Variants in STX8 observed in about 807,000 individuals in gnomAD.
The protein encoded by STX8 is syntaxin 8, also known as syntaxin-8.
In STX8, 23 loss-of-function variants were observed where a neutral mutation model predicts 37.5. That is an observed-to-expected ratio of 0.61 (90% CI 0.44 to 0.87). The LOEUF (loss-of-function observed/expected upper bound fraction) is 0.87, where lower values mean the gene tolerates loss of function less well. Among genes scored for constraint, STX8 ranks in the 40% least tolerant of loss-of-function variants. The probability of loss-of-function intolerance (pLI) is 0.00; values close to 1 mark genes in which losing one functional copy is unlikely to be tolerated. For synonymous variants in STX8, 115 were observed against 99.1 expected (o/e 1.16, Z -0.95); for missense variants, 313 against 284.7 (o/e 1.10, Z -0.71).
At chr17:9,273,550 C>T (rs1286153948) in intron 7 of STX8, 1 of 152,398 alleles carries the variant, frequency 6.6e-6, no homozygotes, top group Non-Finnish European at 1.5e-5. Context: ...CAGGGGTGTC[C>T]CTGCAGAATG....
intron 5 of STX8, among the ~76,000 whole-genome samples, chr17:9,495,879 G>A (rs1215879690): frequency 6.6e-6 from 1 of 152,186 alleles, no homozygotes; most frequent in Non-Finnish European, 1.5e-5. Context: ...GCTGCTGACT[G>A]CAAAAATATA....
intron 6 of STX8, among the ~76,000 whole-genome samples, chr17:9,384,410 G>C (rs1415405088): frequency 6.6e-6 from 1 of 152,098 alleles, no homozygotes; most frequent in South Asian, 2.1e-4. Context: ...AGGCCTAGGC[G>C]GGTGGATCAT....
chr17:9,336,835 C>T (rs8072739), intron 7 of STX8, among the ~76,000 whole-genome samples: 149,398 of 152,336 alleles, frequency 0.98, 73,326 homozygotes, highest in Middle Eastern at 1. Flanking sequence ...TCACCAAGGT[C>T]TTCCCCTTTT....
At chr17:9,351,550 T>C (rs12450204) in intron 7 of STX8, among the ~76,000 whole-genome samples, 2,351 of 152,300 alleles carry the variant, frequency 0.015, 109 homozygotes, top group South Asian at 0.091. Context: ...ATTTTAACAC[T>C]GATACAACAT....
chr17:9,561,267 T>C (rs931858077), intron 2 of STX8, among the ~76,000 whole-genome samples: 1 of 152,188 alleles, frequency 6.6e-6, no homozygotes, highest in Non-Finnish European at 1.5e-5. Context: ...TGTTTTACAA[T>C]GTCACTTACA....
intron 6 of STX8, among the ~76,000 whole-genome samples, chr17:9,418,700 G>A (rs1291283998): frequency 1.3e-5 from 2 of 151,118 alleles, no homozygotes; most frequent in Non-Finnish European, 3.0e-5. Flanking sequence ...GGTGGCGGGC[G>A]CCTGTAGTCT....
At chr17:9,460,698 A>AAAC (rs1567570863) in intron 6 of STX8, among the ~76,000 whole-genome samples, 4 of 150,560 alleles carry the variant, frequency 2.7e-5, no homozygotes, top group African/African-American at 9.9e-5. Flanking sequence ...ACAAAACAAA[A>AAAC]CTACTAAATT....
At chr17:9,453,500 T>C (rs1905103880) in intron 6 of STX8, among the ~76,000 whole-genome samples, 2 of 148,626 alleles carry the variant, frequency 1.3e-5, no homozygotes, top group Non-Finnish European at 3.0e-5. Flanking sequence ...TTTTTTTTTT[T>C]TTTTTTTTTT....
Position 9,398,099 on chromosome 17 carries a change from A to AAAGAGTG in STX8, c.542-19453_542-19447dup, listed in dbSNP as rs759942720. On this transcript the variant is annotated intron_variant, in intron 6 of 7. Transcript: ENST00000306357. ...TGTAAATACTCCACTGTCAAGGAAGAAAGAGTGTAACTCTCTCTTTCTTAG... is the reference window on the plus strand; with the variant it reads ...TGTAAATACTCCACTGTCAAGGAAGAAAGAGTGAAGAGTGTAACTCTCTCTTTCTTAG... Among the ~76,000 whole-genome samples the AAAGAGTG allele has an allele frequency of 2.2e-4, 34 of 152,186 alleles. 1 individual carries two copies. The highest frequency in any genetic ancestry group is 5.9e-5 in the Non-Finnish European group (4 of 68,030).
At chr17:9,416,517 T>C (rs577666896) in intron 6 of STX8, among the ~76,000 whole-genome samples, 30 of 152,172 alleles carry the variant, frequency 2.0e-4, no homozygotes, top group African/African-American at 7.0e-4. Flanking sequence ...TACAGGCACA[T>C]GCCACCACGC....
chr17:9,485,747 AG>A (rs1184336740), intron 6 of STX8, among the ~76,000 whole-genome samples: 1 of 151,976 alleles, frequency 6.6e-6, no homozygotes, highest in Non-Finnish European at 1.5e-5. Flanking sequence ...CACCACACCC[AG>A]CTAATTTTTT....
chr17:9,356,329 T>C (rs1910880038), intron 7 of STX8, among the ~76,000 whole-genome samples: 1 of 152,170 alleles, frequency 6.6e-6, no homozygotes, highest in Non-Finnish European at 1.5e-5. Flanking sequence ...CATAAAAACC[T>C]TTTTCAGTTC....
At chr17:9,408,617 T>C (rs1487417644) in intron 6 of STX8, among the ~76,000 whole-genome samples, 1 of 152,204 alleles carries the variant, frequency 6.6e-6, no homozygotes, top group African/African-American at 2.4e-5. Flanking sequence ...AAGCCATGCT[T>C]ACTCATACAT....
At chr17:9,444,821 G>C (rs1015592142) in intron 6 of STX8, among the ~76,000 whole-genome samples, 1 of 152,154 alleles carries the variant, frequency 6.6e-6, no homozygotes, top group Non-Finnish European at 1.5e-5. Flanking sequence ...AGGGAGACAG[G>C]CTTTTTGTCT....
At chr17:9,448,766 A>T (rs750361236) in intron 6 of STX8, among the ~76,000 whole-genome samples, 4 of 152,184 alleles carry the variant, frequency 2.6e-5, no homozygotes, top group Non-Finnish European at 5.9e-5. Context: ...AGTATGCACT[A>T]ACTTGGTGTT....
At chr17:9,389,413 G>T (rs554378053) in intron 6 of STX8, among the ~76,000 whole-genome samples, 2 of 152,352 alleles carry the variant, frequency 1.3e-5, no homozygotes, top group Non-Finnish European at 2.9e-5. Flanking sequence ...ACTTGCATTT[G>T]GTTTCACGAA....
At chr17:9,530,194 C>T (rs1048461126) in intron 4 of STX8, among the ~76,000 whole-genome samples, 1 of 151,710 alleles carries the variant, frequency 6.6e-6, no homozygotes, top group Non-Finnish European at 1.5e-5. Context: ...GCCTGTAGTC[C>T]CAGCAACTCG....
At chr17:9,503,991 T>C (rs192725534) in intron 5 of STX8, among the ~76,000 whole-genome samples, 1,703 of 152,296 alleles carry the variant, frequency 0.011, 18 homozygotes, top group Middle Eastern at 0.082. Flanking sequence ...CTCGAACTCC[T>C]GATCTCAGGT....
intron 6 of STX8, among the ~76,000 whole-genome samples, chr17:9,423,933 T>G (rs1385125860): frequency 6.6e-6 from 1 of 152,162 alleles, no homozygotes; most frequent in East Asian, 1.9e-4. Context: ...CTGCAAATCT[T>G]CTACTGCCAC....
Sources: allele counts gnomAD v4.1 joint callset (sites outside exome capture counted in the v4.1 genomes callset), GRCh38; gene constraint gnomAD v4.1.1; transcripts MANE v1.5; gene names NCBI Gene and HGNC (gene_info 2026-07-23, HGNC 2026-07-21).